The following CTF1 variants were observed in gnomAD, a reference collection of about 807,000 sequenced individuals.
CTF1 encodes cardiotrophin 1.
A neutral mutation model predicts 10.9 loss-of-function variants in CTF1; 9 were observed. That is an observed-to-expected ratio of 0.83 (90% CI 0.50 to 1.44). The LOEUF is 1.44. Among genes scored for constraint, CTF1 ranks in the 40% most tolerant of loss-of-function variants. The pLI is 0.00. For synonymous variants in CTF1, 133 were observed against 138.8 expected (o/e 0.96, Z 0.29); for missense variants, 259 against 275.3 (o/e 0.94, Z 0.42).
Position 30,902,454 on chromosome 16 carries a change from G to C in CTF1, c.521G>C (p.Gly174Ala). ...GGGGTCTTCCCCGCCAAGGTGCTGG[G>C]GCTCCGCGTTTGCGGCCTCTACCGC... ...ATGVFPAKVL[G>A]LRVCGLYREW... Residue 174 changes from glycine (G) to alanine (A), a missense_variant, in exon 3 of 3, where the codon GGG (glycine) becomes GCG (alanine). Gly to Ala is a moderately conservative substitution (Grantham distance 60). Coordinates refer to ENST00000279804, the MANE Select transcript of CTF1 (RefSeq NM_001330.5). 1 of 1,472,020 alleles carries C rather than the reference G, an allele frequency of 6.8e-7. No individual in the cohort carries two copies. The highest frequency in any genetic ancestry group is 9.0e-7 in the Non-Finnish European group (1 of 1,115,334). 91.2% of individuals were successfully genotyped at this position (1,472,020 alleles called of 1,614,324 possible). A position where few individuals can be genotyped will look rare whatever the true frequency, so the allele number is the denominator to read the frequency against.
At chr16:30,896,599 T>A (rs939607577), upstream of CTF1, 1 of 1,253,076 alleles carries the variant, frequency 8.0e-7, no homozygotes, top group Admixed American at 4.2e-5. Context: ...TTCTCCCCCC[T>A]CGAAAGGGGG....
rs1224439017 is a variant in CTF1, at chr16:30,902,080, G to GC, written c.148dup (p.Gln50ProfsTer188). ...ACCCGCCGGCCGTGTCTCCGCAGGT[G>GC]CAGCTCCAGGGAGACCCCTTCGGGC... On this transcript the variant is annotated frameshift_variant, in exon 3 of 3. Transcript: ENST00000279804. LOFTEE classifies it high-confidence loss of function. The GC allele has an allele frequency of 6.9e-7, 1 of 1,451,234 alleles. No individual in the cohort carries two copies. The allele number at this position is 1,451,234 out of a possible 1,614,324, so 89.9% of individuals were successfully genotyped here. A position where few individuals can be genotyped will look rare whatever the true frequency, so the allele number is the denominator to read the frequency against.
chr16:30,896,514 G>C (rs2234710), upstream of CTF1: 62 of 836,490 alleles, frequency 7.4e-5, no homozygotes, highest in South Asian at 2.4e-4. Context: ...GTCTCAAAAG[G>C]GGGGGTAGGA....
At chr16:30,899,559 C>T in intron 2 of CTF1, 26 bp downstream of exon 2, 1 of 942,118 alleles carries the variant, frequency 1.1e-6, no homozygotes, top group Non-Finnish European at 1.7e-6. Flanking sequence ...GGTGGGGGTG[C>T]CGGGGGCCTG....
chr16:30,896,003 G>T (rs1282773089), upstream of CTF1, among the ~76,000 whole-genome samples: 1 of 145,790 alleles, frequency 6.9e-6, no homozygotes, highest in Non-Finnish European at 1.5e-5. Flanking sequence ...AGGTTAATGG[G>T]GTTGACGTAT....
In CTF1 at chr16:30,902,257, G is replaced by A. The variant is rs2055408349; in HGVS notation, c.324G>A (p.Gln108=). The A allele has an allele frequency of 9.1e-7, 1 of 1,095,782 alleles. No homozygotes were observed. The highest frequency in any genetic ancestry group is 1.1e-6 in the Non-Finnish European group (1 of 903,248). The allele number at this position is 1,095,782 out of a possible 1,614,324, so 67.9% of individuals were successfully genotyped here. A position where few individuals can be genotyped will look rare whatever the true frequency, so the allele number is the denominator to read the frequency against. ...TGCTGGACGCAGTGTGTCGCCGCCA[G>A]GCCGAGCTGAACCCGCGCGCGCCGC... The part of the protein sequence containing the change: ...PPLLDAVCRR[Q]AELNPRAPRL... Residue 108 remains glutamine, a synonymous_variant, in exon 3 of 3, where the codon CAG becomes CAA. Coordinates refer to ENST00000279804, the MANE Select transcript of CTF1 (RefSeq NM_001330.5).
At chr16:30,896,756 C>T (rs1274734437) in intron 1 of CTF1, 88 bp downstream of exon 1, 1 of 1,192,834 alleles carries the variant, frequency 8.4e-7, no homozygotes, top group Non-Finnish European at 1.1e-6. Flanking sequence ...TTCCGCCACC[C>T]CCGGGTCCGG....
Position 30,899,288 on chromosome 16 carries a change from G to T in CTF1, c.26-127G>T, listed in dbSNP as rs1478633638. 1.4e-5 allele frequency: 11 copies of T among 783,002 alleles called. No individual in the cohort carries two copies. In the East Asian group the frequency reaches 1.9e-4, roughly 14 times the overall value. The allele number at this position is 783,002 out of a possible 1,614,324, so 48.5% of individuals were successfully genotyped here. A position where few individuals can be genotyped will look rare whatever the true frequency, so the allele number is the denominator to read the frequency against. ...AGACCACCTGCTTGACAAAGTTCTG[G>T]TGCCTCATTTTCCTTCAGTTGGAAT... On this transcript the variant is annotated intron_variant, in intron 1 of 2. Coordinates refer to ENST00000279804, the MANE Select transcript of CTF1 (RefSeq NM_001330.5).
At chr16:30,898,754 G>T (rs1297097287) in intron 1 of CTF1, among the ~76,000 whole-genome samples, 1 of 152,002 alleles carries the variant, frequency 6.6e-6, no homozygotes, top group Non-Finnish European at 1.5e-5. Context: ...ACCTCCCGGG[G>T]TTCAAGTGAT....
At chr16:30,896,578 C>A (rs2055351532), upstream of CTF1, 1 of 1,243,852 alleles carries the variant, frequency 8.0e-7, no homozygotes, top group Non-Finnish European at 1.0e-6. Context: ...ACGCCCCCAG[C>A]CCTTTCCCCT....
chr16:30,898,192 C>T (rs1251065910), intron 1 of CTF1, among the ~76,000 whole-genome samples: 5 of 142,334 alleles, frequency 3.5e-5, no homozygotes, highest in Non-Finnish European at 6.1e-5. Context: ...GACGAAGTCT[C>T]GGTCTGTCAC....
rs1218883330 is a variant in CTF1, at chr16:30,903,232, C to A, written c.*693C>A. ...AGGAGGTGACACCTTCTCTCCTTGT[C>A]CCCATCTGGCTGTCTCTCTGTGCTT... On this transcript the variant is annotated 3_prime_UTR_variant, in exon 3 of 3. Coordinates refer to ENST00000279804, the MANE Select transcript of CTF1 (RefSeq NM_001330.5). 1 of 152,556 alleles carries A rather than the reference C, an allele frequency of 6.6e-6. No individual in the cohort carries two copies. The highest frequency in any genetic ancestry group is 1.9e-4 in the East Asian group (1 of 5,194). The allele number at this position is 152,556 out of a possible 1,614,324, so 9.5% of individuals were successfully genotyped here.
At chr16:30,900,561 C>T (rs1160593403) in intron 2 of CTF1, among the ~76,000 whole-genome samples, 3 of 151,442 alleles carry the variant, frequency 2.0e-5, no homozygotes, top group Non-Finnish European at 2.9e-5. Context: ...CTCGGGAGTT[C>T]GAGACCAGCC....
chr16:30,902,382 C>T lies in CTF1; in HGVS notation c.449C>T (p.Pro150Leu), dbSNP rs2055410638. 2 of 1,225,432 alleles carry T rather than the reference C, an allele frequency of 1.6e-6. No homozygotes were observed. The highest frequency in any genetic ancestry group is 1.0e-6 in the Non-Finnish European group (1 of 984,036). 75.9% of individuals were successfully genotyped at this position (1,225,432 alleles called of 1,614,324 possible). A position where few individuals can be genotyped will look rare whatever the true frequency, so the allele number is the denominator to read the frequency against. The change falls in exon 3 of 3, where the codon CCC becomes CTC. Residue 150 changes from proline (P) to leucine (L), a missense_variant. Pro to Leu is a moderately conservative substitution (Grantham distance 98). Transcript: ENST00000279804. ...LAALGAANRG[P>L]RAEPPAATAS... ...GCGCTGGGCGCCGCCAACCGCGGGC[C>T]CCGGGCCGAGCCCCCCGCCGCCACC...
In CTF1 at chr16:30,899,560, C is replaced by T. The variant is rs771411405; in HGVS notation, c.144+27C>T. The T allele has an allele frequency of 3.0e-5, 14 of 459,916 alleles. No homozygotes were observed. In the Admixed American group the frequency reaches 3.5e-4, roughly 11 times the overall value. 28.5% of individuals were successfully genotyped at this position (459,916 alleles called of 1,614,324 possible). A position where few individuals can be genotyped will look rare whatever the true frequency, so the allele number is the denominator to read the frequency against. Reference sequence around the variant, plus strand: ...TGAGTGGGAATGGGGGTGGGGGTGCCGGGGGCCTGGGGAATGGGAGCAGAC... The same window carrying T: ...TGAGTGGGAATGGGGGTGGGGGTGCTGGGGGCCTGGGGAATGGGAGCAGAC... On this transcript the variant is annotated intron_variant, in intron 2 of 2. Coordinates refer to ENST00000279804, the MANE Select transcript of CTF1 (RefSeq NM_001330.5).
At chr16:30,900,112 G>C (rs2055389127) in intron 2 of CTF1, among the ~76,000 whole-genome samples, 1 of 152,134 alleles carries the variant, frequency 6.6e-6, no homozygotes, top group Non-Finnish European at 1.5e-5. Context: ...CCCTCCATGG[G>C]CCTTGGTCTC....
Position 30,902,284 on chromosome 16 carries a change from C to A in CTF1, c.351C>A (p.Arg117=). 1 of 1,021,776 alleles carries A rather than the reference C, an allele frequency of 9.8e-7. No individual in the cohort carries two copies. Among genetic ancestry groups the A allele is most frequent in the Non-Finnish European group, 1.2e-6 (1 of 856,008 alleles). 63.3% of individuals were successfully genotyped at this position (1,021,776 alleles called of 1,614,324 possible). The change falls in exon 3 of 3, where the codon CGC becomes CGA. Residue 117 remains arginine (R), a synonymous_variant. Coordinates refer to ENST00000279804, the MANE Select transcript of CTF1 (RefSeq NM_001330.5). ...CCGAGCTGAACCCGCGCGCGCCGCG[C>A]CTGCTGCGCCGCCTGGAGGACGCGG... The part of the protein sequence containing the change: ...RQAELNPRAP[R]LLRRLEDAAR...
chr16:30,899,439 T>C lies in CTF1; in HGVS notation c.50T>C (p.Val17Ala), dbSNP rs1407043943. ...SLEDPQTDSS[V>A]SLLPHLEAKI... ...GAAGACCCCCAGACTGATTCCTCAG[T>C]CTCACTTCTTCCCCACTTGGAGGCC... The change falls in exon 2 of 3, where the codon GTC (valine) becomes GCC (alanine). Residue 17 changes from valine to alanine, a missense_variant. Transcript: ENST00000279804. 2 of 1,613,430 alleles carry C rather than the reference T, an allele frequency of 1.2e-6. No homozygotes were observed. Among genetic ancestry groups the C allele is most frequent in the Non-Finnish European group, 1.7e-6 (2 of 1,179,618 alleles).
Position 30,902,280 on chromosome 16 carries a change from C to T in CTF1, c.347C>T (p.Pro116Leu), listed in dbSNP as rs886051924. The T allele has an allele frequency of 3.9e-6, 4 of 1,031,310 alleles. No homozygotes were observed. The East Asian group carries it at 2.8e-4, about 71-fold the overall frequency. The allele number at this position is 1,031,310 out of a possible 1,614,324, so 63.9% of individuals were successfully genotyped here. A position where few individuals can be genotyped will look rare whatever the true frequency, so the allele number is the denominator to read the frequency against. The change falls in exon 3 of 3, where the codon CCG becomes CTG. Residue 116 changes from proline to leucine, a missense_variant. By Grantham distance (98) the Pro-to-Leu change is moderately conservative. Transcript: ENST00000279804. ...CAGGCCGAGCTGAACCCGCGCGCGC[C>T]GCGCCTGCTGCGCCGCCTGGAGGAC... ...RRQAELNPRAPRLLRRLEDAA... is the reference protein window; with the variant it reads ...RRQAELNPRALRLLRRLEDAA...
Sources: gnomAD v4.1 joint callset for allele counts (sites outside exome capture counted in the v4.1 genomes callset) on GRCh38, gnomAD v4.1.1 for gene constraint, MANE v1.5 for transcripts, NCBI Gene and HGNC (gene_info 2026-07-23, HGNC 2026-07-21) for gene names.